Variants in SDAD1 observed in about 807,000 individuals in gnomAD.
SDAD1 encodes protein SDA1 homolog.
In SDAD1, 79 loss-of-function variants were observed where a neutral mutation model predicts 100.3. The observed-to-expected ratio is 0.79, with a 90% CI of 0.66 to 0.95. The LOEUF (loss-of-function observed/expected upper bound fraction) is 0.95, where lower values mean the gene tolerates loss of function less well. Among genes scored for constraint, SDAD1 ranks in the 40% least tolerant of loss-of-function variants. The pLI, the probability that SDAD1 is intolerant of heterozygous loss-of-function variation, is 0.00. For missense variants in SDAD1, 790 were observed against 810.9 expected, an observed-to-expected ratio of 0.97 and a Z score of 0.31; for synonymous variants, 267 against 271.4, an observed-to-expected ratio of 0.98 and a Z score of 0.16.
At chr4:75,975,637 G>A (rs1730112514) in intron 6 of SDAD1, 107 bp downstream of exon 6, 2 of 686,402 alleles carry the variant, frequency 2.9e-6, no homozygotes, top group South Asian at 2.2e-5. Flanking sequence ...TATGACATAA[G>A]TATATTAAAG....
chr4:75,956,822 C>T (rs1728922817), intron 20 of SDAD1, among the ~76,000 whole-genome samples: 1 of 152,220 alleles, frequency 6.6e-6, no homozygotes, highest in Non-Finnish European at 1.5e-5. Flanking sequence ...CAAAACTCAT[C>T]TAACTGGCTG....
At chr4:75,986,988 G>A (rs180873253) in intron 1 of SDAD1, among the ~76,000 whole-genome samples, 6 of 151,890 alleles carry the variant, frequency 4.0e-5, no homozygotes, top group Non-Finnish European at 7.4e-5. Flanking sequence ...ACTGAACTCT[G>A]GCCTGGGCAA....
At position 75,981,850 on chromosome 4, in the gene SDAD1, G is replaced by GTTGCAGA. The variant is rs1730540758; in HGVS notation, c.195+82_195+83insTCTGCAA. 4.1e-5 allele frequency: 40 copies of GTTGCAGA among 984,784 alleles called. No homozygotes were observed. The South Asian group carries it at 5.8e-4, about 14-fold the overall frequency. The allele number at this position is 984,784 out of a possible 1,614,324, so 61.0% of individuals were successfully genotyped here. ...TTTAATTAAGTTCCCATTCCAGAGT[G>GTTGCAGA]GAATAAGGTTGAGTATTAGTGAAAA... On this transcript the variant is annotated intron_variant, in intron 2 of 21. Transcript: ENST00000356260.
chr4:75,974,124 T>C lies in SDAD1; in HGVS notation c.588A>G (p.Ala196=), dbSNP rs768632160. The change falls in exon 7 of 22, where the codon GCA becomes GCG. Residue 196 remains alanine (A), a synonymous_variant. Transcript: ENST00000356260. ...CAGTTGTGATAACATTGACAGTTTT[T>C]GCATCATTCCTGGGGGAAGACAATG... ...ELYRRNIWND[A]KTVNVITTAC... 4.3e-6 allele frequency: 7 copies of C among 1,613,632 alleles called. No individual in the cohort carries two copies. The African/African-American group carries it at 6.7e-5, about 15-fold the overall frequency.
At chr4:75,975,674 A>G (rs1730115238) in intron 6 of SDAD1, 70 bp downstream of exon 6, 2 of 1,018,428 alleles carry the variant, frequency 2.0e-6, no homozygotes, top group East Asian at 2.4e-5. Flanking sequence ...AAGTATTTGT[A>G]TATGTGCTCT....
intron 16 of SDAD1, among the ~76,000 whole-genome samples, chr4:75,960,404 G>C (rs1031007159): frequency 6.6e-6 from 1 of 152,090 alleles, no homozygotes; most frequent in Non-Finnish European, 1.5e-5. Flanking sequence ...AGCCTCCCTA[G>C]TAGTTGGGAC....
chr4:75,974,826 T>C (rs7671125), intron 6 of SDAD1, among the ~76,000 whole-genome samples: 30,368 of 151,958 alleles, frequency 0.2, 5,639 homozygotes, highest in African/African-American at 0.49. Context: ...TGGATCACGA[T>C]GTCAGGAGAT....
chr4:75,973,404 G>A lies in SDAD1; in HGVS notation c.637-13C>T. 1 of 1,600,946 alleles carries A rather than the reference G, an allele frequency of 6.2e-7. No individual in the cohort carries two copies. ...CGGCAACTAATATCTAAACACCAAT[G>A]AGAAAAAAGTCAGCTACTTGATTCA... is the stretch of plus-strand genomic sequence containing the variant. On this transcript the variant is annotated splice_polypyrimidine_tract_variant and intron_variant, in intron 7 of 21. Transcript: ENST00000356260.
chr4:75,965,404 C>G (rs1308608104), intron 13 of SDAD1, among the ~76,000 whole-genome samples: 4 of 152,198 alleles, frequency 2.6e-5, no homozygotes. Context: ...GTCCTGTGAT[C>G]TCGTCCTGCC....
chr4:75,961,098 A>G lies in SDAD1; in HGVS notation c.1286T>C (p.Met429Thr), dbSNP rs772526307. Residue 429 changes from methionine to threonine, a missense_variant, in exon 16 of 22, where the codon ATG (methionine) becomes ACG (threonine). By Grantham distance (81) the Met-to-Thr change is moderately conservative. Transcript: ENST00000356260. ...GTGAATCAAAGTTCTAGCAGACATC[A>G]TTACATCTGTAAAATAATACTTTTA... ...QYKTHKDKNVMMSARTLIHLF... is the reference protein window; with the variant it reads ...QYKTHKDKNVTMSARTLIHLF... The G allele has an allele frequency of 3.1e-6, 5 of 1,613,982 alleles. No individual in the cohort carries two copies. The highest frequency in any genetic ancestry group is 4.2e-6 in the Non-Finnish European group (5 of 1,179,844).
intron 9 of SDAD1, among the ~76,000 whole-genome samples, chr4:75,970,716 G>T (rs1453199385): frequency 6.6e-6 from 1 of 152,190 alleles, no homozygotes; most frequent in African/African-American, 2.4e-5. Context: ...GGACCTCGTG[G>T]GAAGTTATTG....
Position 75,974,136 on chromosome 4 carries a change from G to A in SDAD1, c.579-3C>T, listed in dbSNP as rs1196862591. On this transcript the variant is annotated splice_region_variant and splice_polypyrimidine_tract_variant and intron_variant, in intron 6 of 21. Transcript: ENST00000356260. ...CATTGACAGTTTTTGCATCATTCCT[G>A]GGGGAAGACAATGAATGCTTTGAAG... is the stretch of plus-strand genomic sequence containing the variant. 4 of 1,612,736 alleles carry A rather than the reference G, an allele frequency of 2.5e-6. No homozygotes were observed. The highest frequency in any genetic ancestry group is 2.5e-6 in the Non-Finnish European group (3 of 1,179,042).
At position 75,967,265 on chromosome 4, in the gene SDAD1, G is replaced by T. The variant is rs1345834594; in HGVS notation, c.1045+12C>A. On this transcript the variant is annotated intron_variant, in intron 12 of 21. Coordinates refer to ENST00000356260, the MANE Select transcript of SDAD1 (RefSeq NM_018115.4). ...CAAGGCCACCAAAGAAACATGGCAA[G>T]TGGCAGCTTACCTCTTTGGTGGGGC... 1 of 1,613,152 alleles carries T rather than the reference G, an allele frequency of 6.2e-7. No homozygotes were observed. The highest frequency in any genetic ancestry group is 1.7e-5 in the Admixed American group (1 of 60,006).
intron 21 of SDAD1, among the ~76,000 whole-genome samples, chr4:75,951,041 G>C (rs1377675347): frequency 6.6e-6 from 1 of 152,116 alleles, no homozygotes; most frequent in Non-Finnish European, 1.5e-5. Flanking sequence ...CAAAACAGGA[G>C]CAGCTATGGA....
chr4:75,990,114 G>A (rs1247015487), intron 1 of SDAD1, among the ~76,000 whole-genome samples: 1 of 152,158 alleles, frequency 6.6e-6, no homozygotes, highest in South Asian at 2.1e-4. Context: ...ACTTACATGA[G>A]GTCAGTACAC....
intron 4 of SDAD1, among the ~76,000 whole-genome samples, chr4:75,976,253 T>A (rs1310874261): frequency 2.0e-5 from 3 of 152,132 alleles, no homozygotes; most frequent in Non-Finnish European, 4.4e-5. Flanking sequence ...AATGAAAACA[T>A]CAGTGTTCAC....
chr4:75,963,025 G>C (rs547611071), intron 14 of SDAD1, among the ~76,000 whole-genome samples: 38 of 152,234 alleles, frequency 2.5e-4, no homozygotes, highest in Admixed American at 2.1e-3. Context: ...TATGGTTTTA[G>C]GCCTAACATT....
At chr4:75,984,811 A>ACACT (rs1179194724) in intron 1 of SDAD1, among the ~76,000 whole-genome samples, 1 of 147,000 alleles carries the variant, frequency 6.8e-6, no homozygotes, top group Non-Finnish European at 1.5e-5. Context: ...ACACACACAC[A>ACACT]CTCTTTCTCA....
chr4:75,977,498 G>C (rs919095323), intron 4 of SDAD1, 148 bp downstream of exon 4: 1 of 647,294 alleles, frequency 1.5e-6, no homozygotes, highest in African/African-American at 1.9e-5. Flanking sequence ...AATAAATATG[G>C]CTATTAACAC....
Sources: gnomAD v4.1 joint callset for allele counts (sites outside exome capture counted in the v4.1 genomes callset) on GRCh38, gnomAD v4.1.1 for gene constraint, MANE v1.5 for transcripts, NCBI Gene and HGNC (gene_info 2026-07-23, HGNC 2026-07-21) for gene names.